TPRKB: variants seen among roughly 807,000 people sequenced by gnomAD.
The protein encoded by TPRKB is EKC/KEOPS complex subunit TPRKB.
In TPRKB, 11 loss-of-function variants were observed where a neutral mutation model predicts 17.8. That is an observed-to-expected ratio of 0.62 (90% confidence interval 0.39 to 1.02). The LOEUF (loss-of-function observed/expected upper bound fraction) is 1.02, where lower values mean the gene tolerates loss of function less well. Ranked by LOEUF, TPRKB falls within the 50% of genes least tolerant of loss-of-function variation. The pLI is 0.00. For synonymous variants in TPRKB, 71 were observed against 69.5 expected (o/e 1.02, Z -0.11); for missense variants, 228 against 198.0 (o/e 1.15, Z -0.91).
chr2:73,734,380 T>C (rs753388660), intron 2 of TPRKB, 49 bp downstream of exon 2: 1 of 1,574,604 alleles, frequency 6.4e-7, no homozygotes, highest in Non-Finnish European at 8.6e-7. Flanking sequence ...ATTACAGGCG[T>C]GAGCCACCGC....
chr2:73,730,126 A>T, intron 4 of TPRKB, 97 bp from the exon 5 acceptor site: 2 of 1,335,318 alleles, frequency 1.5e-6, no homozygotes, highest in Non-Finnish European at 2.0e-6. Flanking sequence ...TTCCTCATTC[A>T]ATTATTGGGT....
In TPRKB at chr2:73,734,484, A is replaced by C. The variant is rs1671785429; in HGVS notation, c.86T>G (p.Leu29Trp). Residue 29 changes from leucine to tryptophan, a missense_variant, in exon 2 of 5, where the codon TTG becomes TGG. By Grantham distance (61) the Leu-to-Trp change is moderately conservative. Transcript: ENST00000272424. ...GGTGCCTTCCATGGCCTTTCTTCTC[A>C]AGTCTCCCGCATTTTTTACATCTTT... ...LFKDVKNAGD[L>W]RRKAMEGTID... 3 of 1,613,992 alleles carry C rather than the reference A, an allele frequency of 1.9e-6. No individual in the cohort carries two copies. The highest frequency in any genetic ancestry group is 1.3e-5 in the African/African-American group (1 of 74,916).
chr2:73,734,708 A>C, intron 1 of TPRKB, 117 bp from the exon 2 acceptor site: 1 of 948,574 alleles, frequency 1.1e-6, no homozygotes, highest in Non-Finnish European at 1.5e-6. Context: ...AAACTAGAAA[A>C]ATCCATCGCC....
intron 2 of TPRKB, among the ~76,000 whole-genome samples, chr2:73,733,776 T>C (rs1359503909): frequency 6.6e-6 from 1 of 152,008 alleles, no homozygotes; most frequent in Non-Finnish European, 1.5e-5. Flanking sequence ...ATCACAAATA[T>C]TAATGTATAC....
chr2:73,731,338 T>C (rs1032559052), intron 3 of TPRKB, among the ~76,000 whole-genome samples: 2 of 152,238 alleles, frequency 1.3e-5, no homozygotes, highest in East Asian at 1.9e-4. Context: ...CTTCTGCCCC[T>C]AGAACTGTAA....
At chr2:73,736,422 T>G (rs559048528) in intron 1 of TPRKB, among the ~76,000 whole-genome samples, 43 of 152,254 alleles carry the variant, frequency 2.8e-4, no homozygotes, top group South Asian at 1.2e-3. Flanking sequence ...ACACAAAACA[T>G]GAGTACACAT....
At chr2:73,736,613 T>C (rs925118917) in intron 1 of TPRKB, among the ~76,000 whole-genome samples, 2 of 152,204 alleles carry the variant, frequency 1.3e-5, no homozygotes, top group African/African-American at 4.8e-5. Context: ...TCCTGAATTT[T>C]CACCTGCTAA....
chr2:73,733,171 T>C (rs1164015573), intron 2 of TPRKB, among the ~76,000 whole-genome samples: 2 of 152,038 alleles, frequency 1.3e-5, no homozygotes, highest in Non-Finnish European at 2.9e-5. Flanking sequence ...TAAAGGTTGG[T>C]TATGTCTTGT....
chr2:73,733,246 G>GTTTTTTTTTTTTTTTTTTTTTTT lies in TPRKB; in HGVS notation c.142-962_142-961insAAAAAAAAAAAAAAAAAAAAAAA, dbSNP rs3076394. ...AACATGATCGCACTGCGTGTGCCCT[G>GTTTTTTTTTTTTTTTTTTTTTTT]TTTTTTTGTTTTTTTTTTTTTTTGG... On this transcript the variant is annotated intron_variant, in intron 2 of 4. Transcript: ENST00000272424. Among the ~76,000 whole-genome samples, 8 of 119,378 alleles carry GTTTTTTTTTTTTTTTTTTTTTTT rather than the reference G, an allele frequency of 6.7e-5. 2 individuals carry two copies. Among genetic ancestry groups the GTTTTTTTTTTTTTTTTTTTTTTT allele is most frequent in the Non-Finnish European group, 1.0e-4 (6 of 57,948 alleles). 78.3% of individuals were successfully genotyped at this position (119,378 alleles called of 152,430 possible). A position where few individuals can be genotyped will look rare whatever the true frequency, so the allele number is the denominator to read the frequency against.
chr2:73,731,741 G>A (rs1671619878), intron 3 of TPRKB, among the ~76,000 whole-genome samples: 1 of 152,118 alleles, frequency 6.6e-6, no homozygotes, highest in African/African-American at 2.4e-5. Context: ...CTGTGTTAAG[G>A]ACTGTTATAG....
chr2:73,736,346 TTTTTATTGTCC>T (rs1417739442), intron 1 of TPRKB, among the ~76,000 whole-genome samples: 1 of 152,184 alleles, frequency 6.6e-6, no homozygotes. Context: ...TATGAGGTGA[TTTTTATTGTCC>T]TTTATATAAA....
chr2:73,735,575 T>C (rs1383560825), intron 1 of TPRKB, among the ~76,000 whole-genome samples: 1 of 152,184 alleles, frequency 6.6e-6, no homozygotes, highest in East Asian at 1.9e-4. Context: ...AATTATTAAA[T>C]AATCAATGTC....
intron 2 of TPRKB, among the ~76,000 whole-genome samples, chr2:73,733,313 C>G (rs1158515137): frequency 1.5e-5 from 2 of 132,714 alleles, no homozygotes; most frequent in Admixed American, 1.8e-4. Flanking sequence ...GGCTGGAATG[C>G]AGTGGCTCAA....
chr2:73,733,182 T>A (rs555391414), intron 2 of TPRKB, among the ~76,000 whole-genome samples: 2 of 151,434 alleles, frequency 1.3e-5, no homozygotes, highest in Non-Finnish European at 2.9e-5. Flanking sequence ...TATGTCTTGT[T>A]CAAAGGCCTA....
intron 1 of TPRKB, among the ~76,000 whole-genome samples, chr2:73,735,418 A>G (rs1011421357): frequency 2.0e-5 from 3 of 152,204 alleles, no homozygotes; most frequent in African/African-American, 7.2e-5. Flanking sequence ...GCATACAAAC[A>G]TGGCACATGT....
At chr2:73,737,063 TC>T (rs1391630371) in intron 1 of TPRKB, among the ~76,000 whole-genome samples, 1 of 152,114 alleles carries the variant, frequency 6.6e-6, no homozygotes, top group African/African-American at 2.4e-5. Flanking sequence ...GAGGACTAGC[TC>T]CTTTTTGGGC....
Position 73,730,002 on chromosome 2 carries a change from TTTC to T in TPRKB, c.466_468del (p.Glu156del), listed in dbSNP as rs751404929. 4.8e-5 allele frequency: 76 copies of T among 1,574,598 alleles called. No individual in the cohort carries two copies. The highest frequency in any genetic ancestry group is 7.4e-5 in the Admixed American group (4 of 53,804). On this transcript the variant is annotated inframe_deletion, in exon 5 of 5. Coordinates refer to ENST00000272424, the MANE Select transcript of TPRKB (RefSeq NM_016058.5). The stretch of plus-strand genomic sequence containing the variant: ...ATAGCATCCAATAATGTCCCAATAC[TTTC>T]TTCTTGTGAAGAGAGTTTATATATC...
Position 73,733,246 on chromosome 2 carries a change from G to GTTTTTTTTTTTTTT in TPRKB, c.142-962_142-961insAAAAAAAAAAAAAA, listed in dbSNP as rs3076394. Among the ~76,000 whole-genome samples, 8 of 119,374 alleles carry GTTTTTTTTTTTTTT rather than the reference G, an allele frequency of 6.7e-5. 2 individuals carry two copies. The highest frequency in any genetic ancestry group is 1.2e-4 in the Non-Finnish European group (7 of 57,946). The allele number at this position is 119,374 out of a possible 152,430, so 78.3% of individuals were successfully genotyped here. ...AACATGATCGCACTGCGTGTGCCCT[G>GTTTTTTTTTTTTTT]TTTTTTTGTTTTTTTTTTTTTTTGG... On this transcript the variant is annotated intron_variant, in intron 2 of 4. Transcript: ENST00000272424.
At chr2:73,733,230 G>A (rs186413944) in intron 2 of TPRKB, among the ~76,000 whole-genome samples, 5 of 148,834 alleles carry the variant, frequency 3.4e-5, no homozygotes, top group Admixed American at 1.4e-4. Context: ...TAACATGATC[G>A]CACTGCGTGT....
Sources: gnomAD v4.1 joint callset for allele counts (sites outside exome capture counted in the v4.1 genomes callset) on GRCh38, gnomAD v4.1.1 for gene constraint, MANE v1.5 for transcripts, NCBI Gene and HGNC (gene_info 2026-07-23, HGNC 2026-07-21) for gene names.